Variants in ARFIP1 observed in about 807,000 individuals in gnomAD.
The protein encoded by ARFIP1 is arfaptin-1.
A neutral mutation model predicts 42.5 loss-of-function variants in ARFIP1; 24 were observed. The observed-to-expected ratio is 0.57, with a 90% CI of 0.41 to 0.80. The LOEUF is 0.80. Ranked by LOEUF, ARFIP1 falls within the 30% of genes least tolerant of loss-of-function variation. ARFIP1 has a pLI of 0.00. For synonymous variants in ARFIP1, 141 were observed against 153.7 expected, an observed-to-expected ratio of 0.92 and a Z score of 0.61; for missense variants, 354 against 434.0, an observed-to-expected ratio of 0.82 and a Z score of 1.64.
chr4:152,796,550 A>C, intron 1 of ARFIP1: 1 of 782,078 alleles, frequency 1.3e-6, no homozygotes, highest in Non-Finnish European at 2.3e-6. Context: ...CTTTAGCTCG[A>C]GATTGTCTCT....
chr4:152,805,602 T>G (rs968243004), intron 1 of ARFIP1, among the ~76,000 whole-genome samples: 1 of 152,230 alleles, frequency 6.6e-6, no homozygotes. Flanking sequence ...TGATTCTAAG[T>G]CTGGGGCAAG....
rs1466318137 is a variant in ARFIP1 at position 152,889,770 on chromosome 4, T to C, written c.966+1463T>C. On this transcript the variant is annotated intron_variant, in intron 8 of 8. Coordinates refer to ENST00000353617, the MANE Select transcript of ARFIP1 (RefSeq NM_001025595.3). Reference sequence around the variant, plus strand: ...ATACTATATATTATATACTATACTATATACTATATATACTATATATTATAT... The same window carrying C: ...ATACTATATATTATATACTATACTACATACTATATATACTATATATTATAT... Among the ~76,000 whole-genome samples the C allele has an allele frequency of 2.0e-4, 9 of 45,830 alleles. No individual in the cohort carries two copies. The South Asian group carries it at 5.4e-3, about 28-fold the overall frequency. 30.1% of individuals were successfully genotyped at this position (45,830 alleles called of 152,430 possible).
At chr4:152,843,899 C>T (rs772638100) in intron 2 of ARFIP1, among the ~76,000 whole-genome samples, 11 of 152,182 alleles carry the variant, frequency 7.2e-5, no homozygotes, top group East Asian at 1.9e-4. Flanking sequence ...AGTCTGCACA[C>T]GGGATTTGTG....
intron 5 of ARFIP1, among the ~76,000 whole-genome samples, chr4:152,879,422 T>C (rs1424232799): frequency 1.3e-5 from 2 of 152,214 alleles, no homozygotes; most frequent in Admixed American, 6.5e-5. Context: ...CTGTTAATAG[T>C]AGTTTTCTAC....
intron 1 of ARFIP1, among the ~76,000 whole-genome samples, chr4:152,821,505 G>C (rs1485530470): frequency 1.3e-5 from 2 of 151,774 alleles, no homozygotes; most frequent in Non-Finnish European, 2.9e-5. Flanking sequence ...ATACAAAATG[G>C]CCAAACTTAA....
At chr4:152,883,820 C>G (rs1736049823) in intron 7 of ARFIP1, among the ~76,000 whole-genome samples, 1 of 151,632 alleles carries the variant, frequency 6.6e-6, no homozygotes, top group Non-Finnish European at 1.5e-5. Flanking sequence ...AAGTATCATT[C>G]TAGTCCCTTT....
At chr4:152,810,572 G>C (rs2149832281) in intron 1 of ARFIP1, among the ~76,000 whole-genome samples, 1 of 152,096 alleles carries the variant, frequency 6.6e-6, no homozygotes, top group Non-Finnish European at 1.5e-5. Flanking sequence ...ATTTCGGGAG[G>C]CTGAGGCGGG....
Position 152,910,429 on chromosome 4 carries a change from A to G in ARFIP1, c.*210A>G, listed in dbSNP as rs966404225. ...AACATAGTTTCTATAATCTGAACAC[A>G]ATAATTTTCCTTTTTGAGAAATCCT... is the stretch of plus-strand genomic sequence containing the variant. On this transcript the variant is annotated 3_prime_UTR_variant, in exon 9 of 9. Coordinates refer to ENST00000353617, the MANE Select transcript of ARFIP1 (RefSeq NM_001025595.3). The G allele has an allele frequency of 4.3e-6, 2 of 470,548 alleles. No individual in the cohort carries two copies. The highest frequency in any genetic ancestry group is 2.0e-5 in the African/African-American group (1 of 49,724). The allele number at this position is 470,548 out of a possible 1,614,324, so 29.1% of individuals were successfully genotyped here.
At chr4:152,835,097 A>C (rs1578896917) in intron 2 of ARFIP1, among the ~76,000 whole-genome samples, 1 of 151,986 alleles carries the variant, frequency 6.6e-6, no homozygotes, top group African/African-American at 2.4e-5. Context: ...CCTTTTTCCC[A>C]TTGTCTTGGA....
At chr4:152,840,787 C>T (rs917315027) in intron 2 of ARFIP1, among the ~76,000 whole-genome samples, 2 of 146,064 alleles carry the variant, frequency 1.4e-5, no homozygotes, top group Admixed American at 7.2e-5. Flanking sequence ...GGCGCAATCT[C>T]GGCTCACTGC....
intron 1 of ARFIP1, among the ~76,000 whole-genome samples, chr4:152,794,601 ACTGTGTAAATC>A (rs1438660268): frequency 7.2e-5 from 11 of 151,948 alleles, no homozygotes; most frequent in Admixed American, 5.9e-4. Context: ...CTACGTGGAG[ACTGTGTAAATC>A]CTGTTTCTCC....
chr4:152,899,313 A>G (rs1295618000), intron 8 of ARFIP1, among the ~76,000 whole-genome samples: 1 of 152,120 alleles, frequency 6.6e-6, no homozygotes, highest in Admixed American at 6.5e-5. Context: ...TCCTCTTTCT[A>G]TTCCCTATGA....
chr4:152,837,752 T>G (rs1222362484), intron 2 of ARFIP1, among the ~76,000 whole-genome samples: 1 of 152,236 alleles, frequency 6.6e-6, no homozygotes, highest in Non-Finnish European at 1.5e-5. Context: ...GCTGACTTCC[T>G]TTTGCCATGC....
Position 152,780,085 on chromosome 4 carries a change from A to C in ARFIP1, c.-151A>C, listed in dbSNP as rs1029158920. ...CTGCAGTTGCTCCCCGCCCCCGAGCAGCCGAGGTGCGTGGGGGAAGGGGAA... is the reference window on the plus strand; with the variant it reads ...CTGCAGTTGCTCCCCGCCCCCGAGCCGCCGAGGTGCGTGGGGGAAGGGGAA... On this transcript the variant is annotated 5_prime_UTR_variant, in exon 1 of 9. Coordinates refer to ENST00000353617, the MANE Select transcript of ARFIP1 (RefSeq NM_001025595.3). The C allele has an allele frequency of 1.6e-4, 25 of 152,510 alleles. No homozygotes were observed. Among genetic ancestry groups the C allele is most frequent in the Admixed American group, 7.2e-4 (11 of 15,308 alleles). 9.4% of individuals were successfully genotyped at this position (152,510 alleles called of 1,614,324 possible). A position where few individuals can be genotyped will look rare whatever the true frequency, so the allele number is the denominator to read the frequency against.
At chr4:152,900,367 A>G (rs1044644339) in intron 8 of ARFIP1, among the ~76,000 whole-genome samples, 12 of 152,034 alleles carry the variant, frequency 7.9e-5, no homozygotes, top group African/African-American at 1.4e-4. Context: ...TGTTTCATCA[A>G]TTTTCTTCTC....
intron 5 of ARFIP1, among the ~76,000 whole-genome samples, chr4:152,879,849 C>CAAACA (rs373263053): frequency 0.071 from 10,803 of 151,798 alleles, 518 homozygotes; most frequent in Middle Eastern, 0.16. Context: ...AACTCCATCT[C>CAAACA]AAACAAAACA....
At chr4:152,825,512 A>C (rs1006603588) in intron 1 of ARFIP1, among the ~76,000 whole-genome samples, 1 of 152,208 alleles carries the variant, frequency 6.6e-6, no homozygotes, top group African/African-American at 2.4e-5. Flanking sequence ...ATGAAACTGG[A>C]CCCTTGCCTG....
At chr4:152,797,478 C>G (rs894068807) in intron 1 of ARFIP1, among the ~76,000 whole-genome samples, 2 of 152,096 alleles carry the variant, frequency 1.3e-5, no homozygotes, top group Non-Finnish European at 2.9e-5. Flanking sequence ...TATCAACTTG[C>G]CAAACTTTAC....
chr4:152,867,527 TGAGACGG>T (rs1187011015), intron 3 of ARFIP1, among the ~76,000 whole-genome samples: 2 of 151,412 alleles, frequency 1.3e-5, no homozygotes, highest in East Asian at 3.9e-4. Context: ...GGGAGAGAGG[TGAGACGG>T]GAGAGGGGAG....
Sources: allele counts gnomAD v4.1 joint callset (sites outside exome capture counted in the v4.1 genomes callset), GRCh38; gene constraint gnomAD v4.1.1; transcripts MANE v1.5; gene names NCBI Gene and HGNC (gene_info 2026-07-23, HGNC 2026-07-21).